MYRIP: variants seen among roughly 807,000 people sequenced by gnomAD.
MYRIP encodes the protein rab effector MyRIP.
MYRIP carries 49 observed loss-of-function variants against 98.0 expected under a neutral mutation model. That is an observed-to-expected ratio of 0.50 (90% CI 0.40 to 0.63). The LOEUF (loss-of-function observed/expected upper bound fraction) is 0.63. Among genes scored for constraint, MYRIP ranks in the 30% least tolerant of loss-of-function variants. The pLI is 0.00. For synonymous variants in MYRIP, 404 were observed against 409.5 expected, an observed-to-expected ratio of 0.99 and a Z score of 0.16; for missense variants, 1,004 against 1,058.2, an observed-to-expected ratio of 0.95 and a Z score of 0.71.
At chr3:39,857,762 A>G (rs1289991225) in intron 1 of MYRIP, among the ~76,000 whole-genome samples, 3 of 152,218 alleles carry the variant, frequency 2.0e-5, no homozygotes, top group South Asian at 2.1e-4. Context: ...TGAAGGAGCA[A>G]GAGCAAAATT....
chr3:40,081,968 C>T (rs929714042), intron 3 of MYRIP, among the ~76,000 whole-genome samples: 2 of 152,178 alleles, frequency 1.3e-5, no homozygotes, highest in African/African-American at 4.8e-5. Flanking sequence ...TGATGTCCTC[C>T]AGGGTCATCC....
At chr3:40,214,472 T>C (rs1405798588) in intron 11 of MYRIP, among the ~76,000 whole-genome samples, 1 of 152,234 alleles carries the variant, frequency 6.6e-6, no homozygotes, top group African/African-American at 2.4e-5. Context: ...CCTGATGTGA[T>C]TCAAACCTTT....
chr3:40,079,343 G>A (rs549236324), intron 3 of MYRIP, among the ~76,000 whole-genome samples: 3 of 152,240 alleles, frequency 2.0e-5, no homozygotes, highest in Admixed American at 2.0e-4. Flanking sequence ...GCCATCTTTG[G>A]TCTATATTTC....
At chr3:39,958,483 A>C (rs1163757371) in intron 2 of MYRIP, among the ~76,000 whole-genome samples, 1 of 152,222 alleles carries the variant, frequency 6.6e-6, no homozygotes, top group Admixed American at 6.5e-5. Flanking sequence ...CATATGCAGA[A>C]AGCTGAAACT....
In MYRIP at chr3:39,878,157, G is replaced by C. The variant is rs572566660; in HGVS notation, c.-30-22630G>C. On this transcript the variant is annotated intron_variant, in intron 1 of 16. Coordinates refer to ENST00000302541, the MANE Select transcript of MYRIP (RefSeq NM_015460.4). ...CGTAGGACCCTCCGAGCCATATGCG[G>C]GATATAATCTCCTGGTGTGCCGTTT... 7.3e-3 allele frequency among the ~76,000 whole-genome samples: 1,113 copies of C among 152,290 alleles called. 15 individuals are homozygous for C. Among genetic ancestry groups the C allele is most frequent in the African/African-American group, 0.026 (1,072 of 41,512 alleles).
intron 2 of MYRIP, among the ~76,000 whole-genome samples, chr3:40,040,070 A>T (rs1441989563): frequency 6.6e-6 from 1 of 152,200 alleles, no homozygotes; most frequent in Non-Finnish European, 1.5e-5. Context: ...AATGCAGGAT[A>T]ACTACATCTC....
chr3:40,253,323 T>C (rs910265758), intron 16 of MYRIP, among the ~76,000 whole-genome samples: 1 of 152,154 alleles, frequency 6.6e-6, no homozygotes, highest in African/African-American at 2.4e-5. Context: ...CGTGCAAAGG[T>C]AGCATAATCA....
intron 3 of MYRIP, among the ~76,000 whole-genome samples, chr3:40,129,193 T>C (rs987978139): frequency 2.0e-5 from 3 of 151,658 alleles, no homozygotes; most frequent in African/African-American, 7.3e-5. Flanking sequence ...TCCCAGCACT[T>C]TGGGAGGCTG....
intron 2 of MYRIP, among the ~76,000 whole-genome samples, chr3:39,908,201 G>A (rs993875914): frequency 6.6e-6 from 1 of 152,206 alleles, no homozygotes; most frequent in Non-Finnish European, 1.5e-5. Flanking sequence ...CCAGGGGAAG[G>A]AAGGGAGAGC....
intron 3 of MYRIP, among the ~76,000 whole-genome samples, chr3:40,091,520 T>C (rs903640525): frequency 6.6e-6 from 1 of 152,342 alleles, no homozygotes; most frequent in Admixed American, 6.5e-5. Flanking sequence ...TGGATTTCTC[T>C]AGTAAATAGT....
intron 2 of MYRIP, among the ~76,000 whole-genome samples, chr3:40,034,612 T>C (rs917575721): frequency 1.3e-5 from 2 of 150,152 alleles, no homozygotes; most frequent in African/African-American, 5.0e-5. Context: ...GGAACACTTT[T>C]ACACTGTTGG....
At chr3:39,986,279 C>G (rs374125254) in intron 2 of MYRIP, among the ~76,000 whole-genome samples, 2 of 152,168 alleles carry the variant, frequency 1.3e-5, no homozygotes, top group East Asian at 3.8e-4. Flanking sequence ...TCTGGTTACA[C>G]TTGGTCCCTG....
chr3:40,192,353 T>TGTCATATATATATG (rs1491229160), intron 10 of MYRIP, among the ~76,000 whole-genome samples: 1 of 138,386 alleles, frequency 7.2e-6, no homozygotes, highest in African/African-American at 2.6e-5. Context: ...CATATATATA[T>TGTCATATATATATG]TTATATTTAT....
intron 16 of MYRIP, among the ~76,000 whole-genome samples, chr3:40,254,649 C>CTTAT (rs1466001591): frequency 3.9e-5 from 6 of 152,080 alleles, no homozygotes. Context: ...TTGTAGCCAT[C>CTTAT]TTATTTAGGA....
intron 6 of MYRIP, 63 bp downstream of exon 6, chr3:40,167,006 G>A: frequency 7.1e-7 from 1 of 1,416,504 alleles, no homozygotes; most frequent in Admixed American, 1.7e-5. Context: ...GCTGCCAGGA[G>A]AAAGTGCAGG....
chr3:40,167,039 G>A, intron 6 of MYRIP, 96 bp downstream of exon 6: 1 of 1,363,728 alleles, frequency 7.3e-7, no homozygotes, highest in Non-Finnish European at 1.0e-6. Context: ...CAATGTCCCA[G>A]CAGCTCTGAC....
chr3:40,189,087 TC>T (rs1200867261), intron 9 of MYRIP, among the ~76,000 whole-genome samples: 1 of 152,178 alleles, frequency 6.6e-6, no homozygotes, highest in Non-Finnish European at 1.5e-5. Flanking sequence ...GCCAAGGACT[TC>T]CGTGGCACAA....
chr3:40,200,859 AAG>A (rs1951538872), intron 10 of MYRIP, among the ~76,000 whole-genome samples: 2 of 152,202 alleles, frequency 1.3e-5, no homozygotes, highest in African/African-American at 4.8e-5. Context: ...CACTGGCATT[AAG>A]GCCCAGGTTC....
At chr3:40,155,809 C>T (rs1950222105) in intron 4 of MYRIP, among the ~76,000 whole-genome samples, 1 of 152,088 alleles carries the variant, frequency 6.6e-6, no homozygotes, top group Non-Finnish European at 1.5e-5. Flanking sequence ...AGTGTCTGTT[C>T]ATGTCCTTTG....
Sources: gnomAD v4.1 joint callset for allele counts (sites outside exome capture counted in the v4.1 genomes callset) on GRCh38, gnomAD v4.1.1 for gene constraint, MANE v1.5 for transcripts, NCBI Gene and HGNC (gene_info 2026-07-23, HGNC 2026-07-21) for gene names.